The following SPOP variants were observed in gnomAD, a reference collection of about 807,000 sequenced individuals.
The protein encoded by SPOP is speckle type BTB/POZ protein, also known as speckle-type POZ protein.
SPOP carries 11 observed loss-of-function variants against 45.6 expected under a neutral mutation model. The observed-to-expected ratio is 0.24, with a 90% confidence interval of 0.15 to 0.40. SPOP has a LOEUF of 0.40. Among genes scored for constraint, SPOP ranks in the 10% least tolerant of loss-of-function variants. The pLI is 1.00. For synonymous variants in SPOP, 166 were observed against 166.3 expected, an observed-to-expected ratio of 1.00 and a Z score of 0.01; for missense variants, 152 against 465.6, an observed-to-expected ratio of 0.33 and a Z score of 6.20.
intron 8 of SPOP, among the ~76,000 whole-genome samples, chr17:49,605,692 A>T (rs763842214): frequency 3.3e-5 from 5 of 149,282 alleles, no homozygotes; most frequent in Admixed American, 2.0e-4. Context: ...TCTGTCTCAA[A>T]AAGTAAATAA....
rs183593458 is a variant in SPOP, at chr17:49,610,952, C to T, written c.658+328G>A. ...AGAATCCTCTCCATTACATCCTAAACCCTTATCTAGGGGTTGATACCTGCT... is the reference window on the plus strand; with the variant it reads ...AGAATCCTCTCCATTACATCCTAAATCCTTATCTAGGGGTTGATACCTGCT... On this transcript the variant is annotated intron_variant, in intron 6 of 9. Transcript: ENST00000504102. 2.0e-5 allele frequency among the ~76,000 whole-genome samples: 3 copies of T among 152,274 alleles called. No homozygotes were observed. In the East Asian group the frequency reaches 5.8e-4, roughly 29 times the overall value.
chr17:49,635,781 G>A (rs937220014), intron 1 of SPOP, among the ~76,000 whole-genome samples: 4 of 151,388 alleles, frequency 2.6e-5, no homozygotes, highest in African/African-American at 4.9e-5. Context: ...ATTCAGGCAC[G>A]TGCCACCATG....
In SPOP at chr17:49,607,493, T is replaced by G. The variant is rs1245717191; in HGVS notation, c.715-121A>C. The G allele has an allele frequency of 3.9e-6, 5 of 1,270,316 alleles. No individual in the cohort carries two copies. In the East Asian group the frequency reaches 1.3e-4, roughly 33 times the overall value. The allele number at this position is 1,270,316 out of a possible 1,614,324, so 78.7% of individuals were successfully genotyped here. On this transcript the variant is annotated intron_variant, in intron 7 of 9. Coordinates refer to ENST00000504102, the MANE Select transcript of SPOP (RefSeq NM_001007228.2). ...CTTTGTATCATTTAAAACCTAACAT[T>G]AATGGAAAATTTCTTTGCCCGGCTT... is the stretch of plus-strand genomic sequence containing the variant.
Position 49,600,487 on chromosome 17 carries a change from T to C in SPOP, c.1016A>G (p.Lys339Arg), listed in dbSNP as rs907969016. The C allele has an allele frequency of 2.5e-6, 4 of 1,614,096 alleles. No homozygotes were observed. Among genetic ancestry groups the C allele is most frequent in the Non-Finnish European group, 3.4e-6 (4 of 1,179,996 alleles). ...GTGGGGATGTGACACCACCATTGACTTCCACCCAGAGGTCTCCAAGACATC... is the reference window on the plus strand; with the variant it reads ...GTGGGGATGTGACACCACCATTGACCTCCACCCAGAGGTCTCCAAGACATC... ...ASDVLETSGW[K>R]SMVVSHPHLV... The change falls in exon 10 of 10, where the codon AAG becomes AGG. Residue 339 changes from lysine to arginine, a missense_variant. Coordinates refer to ENST00000504102, the MANE Select transcript of SPOP (RefSeq NM_001007228.2). This position sits in a 1 kb window ranked among gnomAD's most constrained non-coding sequence, Gnocchi z 4.2.
At chr17:49,652,269 C>G (rs1295094000) in intron 1 of SPOP, among the ~76,000 whole-genome samples, 1 of 152,148 alleles carries the variant, frequency 6.6e-6, no homozygotes, top group African/African-American at 2.4e-5. Flanking sequence ...GGATGTTCAA[C>G]CTGTAGTAGA....
At chr17:49,604,693 C>T (rs988609913) in intron 8 of SPOP, among the ~76,000 whole-genome samples, 3 of 152,256 alleles carry the variant, frequency 2.0e-5, no homozygotes, top group East Asian at 3.9e-4. Flanking sequence ...TCTACTTGTC[C>T]GCCAACACAG....
chr17:49,614,802 AGTGTGT>A (rs60134980), intron 5 of SPOP, among the ~76,000 whole-genome samples: 10,654 of 146,904 alleles, frequency 0.073, 445 homozygotes, highest in East Asian at 0.16. Flanking sequence ...CATGCTATGA[AGTGTGT>A]GTGTGTGTGT....
rs772247872 is a variant in SPOP at position 49,619,140 on chromosome 17, G to A, written c.353-32C>T. On this transcript the variant is annotated intron_variant, in intron 4 of 9. Coordinates refer to ENST00000504102, the MANE Select transcript of SPOP (RefSeq NM_001007228.2). The surrounding 1 kb of genome is among the most constrained non-coding windows in gnomAD (Gnocchi z 4.9). ...TGGGGAAAAAAAAAGTCATATTTAA[G>A]GTTACGCAAAAACCAGATCAAAGCC... 4 of 1,613,242 alleles carry A rather than the reference G, an allele frequency of 2.5e-6. No homozygotes were observed. The East Asian group carries it at 8.9e-5, about 36-fold the overall frequency.
chr17:49,616,455 C>T (rs1008554125), intron 5 of SPOP, among the ~76,000 whole-genome samples: 20 of 152,108 alleles, frequency 1.3e-4, no homozygotes, highest in Non-Finnish European at 2.2e-4. Flanking sequence ...AAATACTAAT[C>T]AAACCAATAA....
chr17:49,601,550 T>C, intron 9 of SPOP: 1 of 220,666 alleles, frequency 4.5e-6, no homozygotes, highest in South Asian at 8.7e-5. Flanking sequence ...CTCCTAGAAA[T>C]CTACATGTCT....
chr17:49,635,250 T>C (rs553991571), intron 1 of SPOP, among the ~76,000 whole-genome samples: 1 of 152,364 alleles, frequency 6.6e-6, no homozygotes, highest in South Asian at 2.1e-4. Context: ...CAGTTTTAAA[T>C]GTTCATTCCA....
chr17:49,646,880 G>T (rs2072767052), intron 1 of SPOP, among the ~76,000 whole-genome samples: 1 of 152,132 alleles, frequency 6.6e-6, no homozygotes, highest in African/African-American at 2.4e-5. Context: ...GTGACTCTTA[G>T]ATCAGGTATG....
intron 2 of SPOP, 65 bp downstream of exon 2, chr17:49,622,668 C>G: frequency 7.1e-7 from 1 of 1,399,214 alleles, no homozygotes; most frequent in Non-Finnish European, 1.0e-6. Context: ...AAAAGCAATC[C>G]TACTCCTTTC....
chr17:49,660,345 C>T (rs2072970766), intron 1 of SPOP, among the ~76,000 whole-genome samples: 1 of 152,186 alleles, frequency 6.6e-6, no homozygotes, highest in South Asian at 2.1e-4. Flanking sequence ...TCAAGCATTA[C>T]CTTTGATGTG....
At chr17:49,613,392 T>C (rs1020406585) in intron 5 of SPOP, among the ~76,000 whole-genome samples, 30 of 152,164 alleles carry the variant, frequency 2.0e-4, no homozygotes, top group African/African-American at 7.2e-4. Flanking sequence ...ACTGGGTTCC[T>C]AGCTTGAATT....
intron 1 of SPOP, among the ~76,000 whole-genome samples, chr17:49,641,190 G>A (rs2072640910): frequency 6.6e-6 from 1 of 150,390 alleles, no homozygotes; most frequent in Non-Finnish European, 1.5e-5. Flanking sequence ...TTGAACCTGG[G>A]AGGTGGAGGT....
intron 5 of SPOP, among the ~76,000 whole-genome samples, chr17:49,615,716 C>G (rs1209170284): frequency 6.6e-6 from 1 of 152,096 alleles, no homozygotes; most frequent in East Asian, 1.9e-4. Context: ...AGTAAATGCT[C>G]TGTCAAGAAA....
chr17:49,677,689 G>T (rs970578196), intron 1 of SPOP, among the ~76,000 whole-genome samples: 2 of 152,288 alleles, frequency 1.3e-5, no homozygotes, highest in South Asian at 2.1e-4. Context: ...GGAAATGATG[G>T]GGGGGCTGAA....
At chr17:49,628,799 C>T (rs1453226378) in intron 1 of SPOP, among the ~76,000 whole-genome samples, 3 of 152,168 alleles carry the variant, frequency 2.0e-5, no homozygotes, top group South Asian at 2.1e-4. Flanking sequence ...ACTGAACCTA[C>T]GGTGCACTTC....
Sources: gnomAD v4.1 joint callset for allele counts (sites outside exome capture counted in the v4.1 genomes callset) on GRCh38, gnomAD v4.1.1 for gene constraint, Gnocchi (gnomAD v3.1) non-coding constraint, MANE v1.5 for transcripts, NCBI Gene and HGNC (gene_info 2026-07-23, HGNC 2026-07-21) for gene names.